The following NXN variants were observed in gnomAD, a reference collection of about 807,000 sequenced individuals.
NXN encodes the protein nucleoredoxin 1.
Under a neutral mutation model 48.6 loss-of-function variants are expected in NXN, and 16 were observed. The observed-to-expected ratio is 0.33, with a 90% confidence interval of 0.22 to 0.50. The LOEUF is 0.50. Among genes scored for constraint, NXN ranks in the 20% least tolerant of loss-of-function variants. The pLI is 0.98. For synonymous variants in NXN, 281 were observed against 269.6 expected (o/e 1.04, Z -0.41); for missense variants, 492 against 605.5 (o/e 0.81, Z 1.97).
At chr17:925,821 C>T (rs1166296251) in intron 1 of NXN, among the ~76,000 whole-genome samples, 1 of 152,194 alleles carries the variant, frequency 6.6e-6, no homozygotes, top group East Asian at 1.9e-4. Flanking sequence ...TGCTCACGAA[C>T]GTCCCTGTTC....
At chr17:877,107 A>G (rs2068224838) in intron 1 of NXN, among the ~76,000 whole-genome samples, 1 of 151,836 alleles carries the variant, frequency 6.6e-6, no homozygotes, top group African/African-American at 2.4e-5. Context: ...CTAATTCTTA[A>G]TATATTAAAC....
intron 1 of NXN, among the ~76,000 whole-genome samples, chr17:899,849 C>T (rs542980615): frequency 2.0e-5 from 3 of 152,124 alleles, no homozygotes; most frequent in Non-Finnish European, 4.4e-5. Context: ...ATGATCATGT[C>T]GTTGCACCCC....
intron 1 of NXN, among the ~76,000 whole-genome samples, chr17:934,691 C>A (rs58545062): frequency 6.6e-6 from 1 of 151,568 alleles, no homozygotes; most frequent in African/African-American, 2.4e-5. Context: ...CTGGCCAACA[C>A]GGTGAAACCC....
intron 5 of NXN, among the ~76,000 whole-genome samples, chr17:810,918 AAG>A (rs1415663366): frequency 1.3e-5 from 2 of 152,124 alleles, no homozygotes; most frequent in African/African-American, 4.8e-5. Context: ...AAACACATAA[AAG>A]AGAACTGCAA....
At chr17:971,033 G>A (rs910384668) in intron 1 of NXN, among the ~76,000 whole-genome samples, 1 of 143,456 alleles carries the variant, frequency 7.0e-6, no homozygotes, top group South Asian at 2.3e-4. Flanking sequence ...TGCAACCTCC[G>A]CCTCCAGGGT....
chr17:936,927 G>A (rs1237692585), intron 1 of NXN, among the ~76,000 whole-genome samples: 5 of 152,004 alleles, frequency 3.3e-5, no homozygotes, highest in African/African-American at 1.2e-4. Flanking sequence ...GAAAGGCCGG[G>A]TACGGTGGCT....
intron 1 of NXN, among the ~76,000 whole-genome samples, chr17:970,391 G>C (rs1435656860): frequency 6.6e-6 from 1 of 151,998 alleles, no homozygotes; most frequent in African/African-American, 2.4e-5. Context: ...TAGGATGAAG[G>C]GGGAGTTGGG....
At chr17:875,605 TTTTTG>T (rs1330006347) in intron 1 of NXN, among the ~76,000 whole-genome samples, 6 of 152,072 alleles carry the variant, frequency 3.9e-5, no homozygotes, top group South Asian at 4.2e-4. Context: ...GGTGTTTTTG[TTTTTG>T]TTTTAAGATT....
chr17:945,628 C>CAA (rs58303386), intron 1 of NXN, among the ~76,000 whole-genome samples: 23 of 86,630 alleles, frequency 2.7e-4, no homozygotes, highest in African/African-American at 4.5e-4. Context: ...GACTCCGTCT[C>CAA]AAAAAAAAAA....
At chr17:806,798 C>T (rs571012181) in intron 5 of NXN, among the ~76,000 whole-genome samples, 21 of 152,216 alleles carry the variant, frequency 1.4e-4, no homozygotes, top group East Asian at 5.8e-4. Flanking sequence ...TGCCTGCCTT[C>T]GAAAGGAATC....
chr17:853,719 A>ATTT (rs1190997449), intron 1 of NXN, among the ~76,000 whole-genome samples: 18 of 101,832 alleles, frequency 1.8e-4, no homozygotes, highest in African/African-American at 5.0e-4. Context: ...ATATATATAT[A>ATTT]TATATTTTTT....
At position 810,182 on chromosome 17, in the gene NXN, G is replaced by A. The variant is rs572407449; in HGVS notation, c.821-4935C>T. 8.3e-5 allele frequency among the ~76,000 whole-genome samples: 10 copies of A among 120,540 alleles called. 3 individuals carry two copies. The highest frequency in any genetic ancestry group is 2.9e-4 in the African/African-American group (9 of 30,618). The allele number at this position is 120,540 out of a possible 152,430, so 79.1% of individuals were successfully genotyped here. A position where few individuals can be genotyped will look rare whatever the true frequency, so the allele number is the denominator to read the frequency against. ...TGCACGTTACGAGTCTGTGACTGGC[G>A]TGCATGTTACGAGTCTGTGAGTGGC... is the stretch of plus-strand genomic sequence containing the variant. On this transcript the variant is annotated intron_variant, in intron 5 of 7. Coordinates refer to ENST00000336868, the MANE Select transcript of NXN (RefSeq NM_022463.5).
Position 881,568 on chromosome 17 carries a change from G to A in NXN, c.361-55490C>T, listed in dbSNP as rs139038424. On this transcript the variant is annotated intron_variant, in intron 1 of 7. Transcript: ENST00000336868. Reference sequence around the variant, plus strand: ...AGAACCGTTTGGTCCATCTTATGAAGGTAAATGTTCATTTACCTGATAATC... The same window carrying A: ...AGAACCGTTTGGTCCATCTTATGAAAGTAAATGTTCATTTACCTGATAATC... Among the ~76,000 whole-genome samples the A allele has an allele frequency of 8.0e-5, 12 of 150,578 alleles. No individual in the cohort carries two copies. The East Asian group carries it at 2.1e-3, about 27-fold the overall frequency.
chr17:934,302 C>T (rs144723383), intron 1 of NXN, among the ~76,000 whole-genome samples: 8,728 of 151,684 alleles, frequency 0.058, 383 homozygotes, highest in East Asian at 0.23. Flanking sequence ...AAAAATTAGC[C>T]GGGCGTGGTG....
At chr17:811,185 G>A (rs1911974735) in intron 5 of NXN, among the ~76,000 whole-genome samples, 1 of 152,184 alleles carries the variant, frequency 6.6e-6, no homozygotes. Flanking sequence ...CAACGCTGGA[G>A]GAGCAAAGGG....
chr17:975,578 C>T (rs1201565357), intron 1 of NXN, among the ~76,000 whole-genome samples: 1 of 152,216 alleles, frequency 6.6e-6, no homozygotes, highest in Non-Finnish European at 1.5e-5. Context: ...ACTCTGCAGA[C>T]TTTCTCTTCC....
At chr17:886,265 T>C (rs1272784741) in intron 1 of NXN, among the ~76,000 whole-genome samples, 1 of 152,148 alleles carries the variant, frequency 6.6e-6, no homozygotes, top group Non-Finnish European at 1.5e-5. Context: ...AACATTATTC[T>C]TGGCTCTGCT....
chr17:876,653 C>T lies in NXN; in HGVS notation c.361-50575G>A, dbSNP rs140812709. On this transcript the variant is annotated intron_variant, in intron 1 of 7. Transcript: ENST00000336868. The stretch of plus-strand genomic sequence containing the variant: ...TGTTAGTGTCGTTCGCTGATAATTA[C>T]TTTCACACTAGAATACCATCTTCAT... 4.7e-3 allele frequency among the ~76,000 whole-genome samples: 710 copies of T among 152,322 alleles called. 6 individuals are homozygous for T. Among genetic ancestry groups the T allele is most frequent in the African/African-American group, 0.016 (645 of 41,564 alleles).
chr17:926,282 G>A (rs1343031227), intron 1 of NXN, among the ~76,000 whole-genome samples: 1 of 152,100 alleles, frequency 6.6e-6, no homozygotes, highest in African/African-American at 2.4e-5. Flanking sequence ...AACCTCCCGG[G>A]CTCAAGCAAT....
Sources: gnomAD v4.1 joint callset for allele counts (sites outside exome capture counted in the v4.1 genomes callset) on GRCh38, gnomAD v4.1.1 for gene constraint, MANE v1.5 for transcripts, NCBI Gene and HGNC (gene_info 2026-07-23, HGNC 2026-07-21) for gene names.